The following ZNF407 variants were observed in gnomAD, a reference collection of about 807,000 sequenced individuals.
The protein encoded by ZNF407 is zinc finger protein 407.
ZNF407 carries 17 observed loss-of-function variants against 131.2 expected under a neutral mutation model. That is an observed-to-expected ratio of 0.13 (90% CI 0.09 to 0.19). ZNF407 has a LOEUF of 0.19. Ranked by LOEUF, ZNF407 falls within the 10% of genes least tolerant of loss-of-function variation. The probability of loss-of-function intolerance (pLI) is 1.00; values close to 1 mark genes in which losing one functional copy is unlikely to be tolerated. For missense variants in ZNF407, 2,681 were observed against 2,830.6 expected (o/e 0.95, Z 1.20); for synonymous variants, 1,156 against 1,062.0 (o/e 1.09, Z -1.72).
intron 6 of ZNF407, among the ~76,000 whole-genome samples, chr18:74,887,178 G>A (rs751448766): frequency 1.8e-4 from 28 of 151,500 alleles, no homozygotes; most frequent in East Asian, 3.9e-4. Flanking sequence ...TTTTTATTAC[G>A]CAGTATGAAT....
At position 74,656,421 on chromosome 18, in the gene ZNF407, G is replaced by A. The variant is rs531450696; in HGVS notation, c.4802+15299G>A. Among the ~76,000 whole-genome samples, 7 of 152,046 alleles carry A rather than the reference G, an allele frequency of 4.6e-5. No individual in the cohort carries two copies. In the East Asian group the frequency reaches 1.3e-3, roughly 29 times the overall value. ...CCTTTTTTTGTTGAAGACCTTAAAGGACAAAGGATTTTTGACCCCACCCTG... is the reference window on the plus strand; with the variant it reads ...CCTTTTTTTGTTGAAGACCTTAAAGAACAAAGGATTTTTGACCCCACCCTG... On this transcript the variant is annotated intron_variant, in intron 3 of 8. Coordinates refer to ENST00000299687, the MANE Select transcript of ZNF407 (RefSeq NM_017757.3).
At chr18:74,861,014 T>C (rs1233820022) in intron 4 of ZNF407, among the ~76,000 whole-genome samples, 2 of 152,176 alleles carry the variant, frequency 1.3e-5, no homozygotes, top group African/African-American at 2.4e-5. Flanking sequence ...GCCTTAAAAA[T>C]GTACCTTGGG....
At chr18:74,903,615 C>A (rs756351391) in intron 7 of ZNF407, among the ~76,000 whole-genome samples, 9 of 152,110 alleles carry the variant, frequency 5.9e-5, no homozygotes, top group Non-Finnish European at 1.2e-4. Flanking sequence ...CTTTGCTACA[C>A]CTAGTGAGTT....
chr18:74,906,817 CTGTA>C (rs1298987183), intron 7 of ZNF407, among the ~76,000 whole-genome samples: 7 of 152,100 alleles, frequency 4.6e-5, no homozygotes, highest in East Asian at 3.9e-4. Context: ...GCTTGTATGT[CTGTA>C]TGTGCATGCA....
intron 3 of ZNF407, among the ~76,000 whole-genome samples, chr18:74,653,430 T>C (rs979999807): frequency 6.6e-6 from 1 of 151,850 alleles, no homozygotes; most frequent in African/African-American, 2.4e-5. Context: ...TGATGGGCCT[T>C]TTTATGTCTA....
At chr18:74,599,842 T>C (rs187515343) in intron 1 of ZNF407, among the ~76,000 whole-genome samples, 4 of 152,354 alleles carry the variant, frequency 2.6e-5, no homozygotes, top group Admixed American at 1.3e-4. Context: ...TCTAAATCTA[T>C]GAATAGGCGA....
chr18:74,934,246 T>G, intron 8 of ZNF407, among the ~76,000 whole-genome samples: 1 of 152,234 alleles, frequency 6.6e-6, no homozygotes, highest in East Asian at 1.9e-4. Context: ...GGCAAGATTC[T>G]TTCAAGGGTA....
chr18:74,969,522 G>A (rs961352925), intron 8 of ZNF407, among the ~76,000 whole-genome samples: 1 of 152,190 alleles, frequency 6.6e-6, no homozygotes, highest in African/African-American at 2.4e-5. Context: ...TTTGATCTGA[G>A]GCTGCTGGAG....
chr18:74,943,889 C>T (rs1002695339), intron 8 of ZNF407, among the ~76,000 whole-genome samples: 2 of 152,118 alleles, frequency 1.3e-5, no homozygotes, highest in African/African-American at 2.4e-5. Context: ...GTGACACTCT[C>T]GTTCTACTGA....
chr18:74,601,689 A>T (rs1982592226), intron 1 of ZNF407, among the ~76,000 whole-genome samples: 1 of 151,986 alleles, frequency 6.6e-6, no homozygotes, highest in African/African-American at 2.4e-5. Context: ...TGCACTTTTA[A>T]ATAGCCAGGT....
chr18:74,901,476 A>C (rs1210567364), intron 7 of ZNF407, among the ~76,000 whole-genome samples: 1 of 152,196 alleles, frequency 6.6e-6, no homozygotes, highest in Non-Finnish European at 1.5e-5. Flanking sequence ...TACTTCTAGC[A>C]TCGGTGACAA....
At chr18:74,775,728 T>C (rs973206766) in intron 3 of ZNF407, among the ~76,000 whole-genome samples, 1 of 152,178 alleles carries the variant, frequency 6.6e-6, no homozygotes, top group Admixed American at 6.5e-5. Flanking sequence ...GGAGGTTTAA[T>C]TGGCTCATGG....
At chr18:74,661,796 GT>G (rs1222480427) in intron 3 of ZNF407, among the ~76,000 whole-genome samples, 3 of 152,184 alleles carry the variant, frequency 2.0e-5, no homozygotes, top group Non-Finnish European at 4.4e-5. Context: ...GTGAAAACAT[GT>G]TTTATTTTTA....
intron 3 of ZNF407, among the ~76,000 whole-genome samples, chr18:74,706,940 C>CCTTTTTTTTTTTTTTTT (rs1967637808): frequency 3.0e-5 from 4 of 132,362 alleles, no homozygotes; most frequent in Admixed American, 7.4e-5. Context: ...AAGACAGCAG[C>CCTTTTTTTTTTTTTTTT]TTTTTTTTTT....
At chr18:74,940,933 G>T (rs1032405343) in intron 8 of ZNF407, among the ~76,000 whole-genome samples, 2 of 152,112 alleles carry the variant, frequency 1.3e-5, no homozygotes, top group African/African-American at 4.8e-5. Flanking sequence ...TTCTATAATT[G>T]GGGTGGTAGA....
chr18:74,677,620 T>C (rs1986446456), intron 3 of ZNF407, among the ~76,000 whole-genome samples: 1 of 152,180 alleles, frequency 6.6e-6, no homozygotes, highest in African/African-American at 2.4e-5. Context: ...CGCAGAGACC[T>C]AAAATACTTT....
chr18:74,741,458 T>G (rs1968548415), intron 3 of ZNF407, among the ~76,000 whole-genome samples: 1 of 152,138 alleles, frequency 6.6e-6, no homozygotes, highest in African/African-American at 2.4e-5. Flanking sequence ...AACAACTGTT[T>G]TATGTTATTT....
chr18:74,891,261 T>G (rs1242217728), intron 7 of ZNF407, among the ~76,000 whole-genome samples: 1 of 152,202 alleles, frequency 6.6e-6, no homozygotes, highest in African/African-American at 2.4e-5. Context: ...TTAAGAAGCC[T>G]GATCTCAAGG....
intron 8 of ZNF407, among the ~76,000 whole-genome samples, chr18:75,046,747 G>T (rs1185016879): frequency 6.9e-6 from 1 of 144,186 alleles, no homozygotes; most frequent in Non-Finnish European, 1.5e-5. Flanking sequence ...TCATAGAGTT[G>T]AATTGAAGAC....
Sources: gnomAD v4.1 joint callset for allele counts (sites outside exome capture counted in the v4.1 genomes callset) on GRCh38, gnomAD v4.1.1 for gene constraint, MANE v1.5 for transcripts, NCBI Gene and HGNC (gene_info 2026-07-23, HGNC 2026-07-21) for gene names.